Variants in ATG7 observed in about 807,000 individuals in gnomAD.
The protein encoded by ATG7 is autophagy related 7.
In ATG7, 70 loss-of-function variants were observed where a neutral mutation model predicts 82.4. The observed-to-expected ratio is 0.85, with a 90% CI of 0.70 to 1.04. The LOEUF (loss-of-function observed/expected upper bound fraction) is 1.04, where lower values mean the gene tolerates loss of function less well. Among genes scored for constraint, ATG7 ranks in the 50% least tolerant of loss-of-function variants. The pLI is 0.00. For missense variants in ATG7, 792 were observed against 864.3 expected (o/e 0.92, Z 1.05); for synonymous variants, 287 against 313.0 (o/e 0.92, Z 0.88).
intron 20 of ATG7, among the ~76,000 whole-genome samples, chr3:11,463,030 C>T (rs1404682170): frequency 1.3e-5 from 2 of 152,018 alleles, no homozygotes; most frequent in Non-Finnish European, 2.9e-5. Flanking sequence ...GGATGACAGG[C>T]ATGTGCAATC....
chr3:11,438,289 A>T (rs758085262), intron 20 of ATG7, among the ~76,000 whole-genome samples: 1 of 152,122 alleles, frequency 6.6e-6, no homozygotes, highest in South Asian at 2.1e-4. Context: ...AGGGTCCCCA[A>T]TGGTGGAGGC....
chr3:11,499,468 A>G (rs1177610477), intron 20 of ATG7, among the ~76,000 whole-genome samples: 2 of 152,056 alleles, frequency 1.3e-5, no homozygotes, highest in African/African-American at 4.8e-5. Flanking sequence ...AAATACGGCC[A>G]GGCGCAGTGG....
chr3:11,371,079 G>A (rs2076965009), intron 18 of ATG7, among the ~76,000 whole-genome samples: 2 of 151,100 alleles, frequency 1.3e-5, no homozygotes, highest in African/African-American at 4.9e-5. Flanking sequence ...GAGATGCAAT[G>A]TATGAAAACA....
intron 13 of ATG7, among the ~76,000 whole-genome samples, chr3:11,345,192 T>C (rs1575592594): frequency 6.6e-6 from 1 of 151,860 alleles, no homozygotes; most frequent in African/African-American, 2.4e-5. Context: ...GATCATGAGG[T>C]CAGGAGATCG....
intron 19 of ATG7, among the ~76,000 whole-genome samples, chr3:11,403,318 G>C (rs1364595343): frequency 1.3e-5 from 2 of 150,538 alleles, no homozygotes; most frequent in African/African-American, 4.9e-5. Context: ...GAATAATATA[G>C]ATGTTTCAAG....
At chr3:11,492,623 C>A (rs1455576914) in intron 20 of ATG7, among the ~76,000 whole-genome samples, 2 of 152,176 alleles carry the variant, frequency 1.3e-5, no homozygotes, top group Admixed American at 1.3e-4. Context: ...GCTGCTGCTT[C>A]GGGCACTGGC....
intron 9 of ATG7, among the ~76,000 whole-genome samples, chr3:11,323,479 G>A: frequency 6.6e-6 from 1 of 152,150 alleles, no homozygotes; most frequent in Non-Finnish European, 1.5e-5. Context: ...AATGAAATGT[G>A]GATTCCACAG....
chr3:11,575,140 G>A, the ATG7 span, among the ~76,000 whole-genome samples: 113 of 152,320 alleles, frequency 7.4e-4, no homozygotes, highest in African/African-American at 2.6e-3. Flanking sequence ...GTGGCTGGCA[G>A]GTGGCAGAGT....
At chr3:11,415,265 G>A (rs1467798970) in intron 19 of ATG7, among the ~76,000 whole-genome samples, 1 of 152,154 alleles carries the variant, frequency 6.6e-6, no homozygotes, top group Non-Finnish European at 1.5e-5. Flanking sequence ...AATGGAGTTT[G>A]TAGGGCTGGA....
downstream of ATG7, chr3:11,557,763 G>A (rs1362058281): frequency 1.3e-5 from 2 of 152,594 alleles, no homozygotes; most frequent in Non-Finnish European, 2.9e-5. Context: ...AAAGCACTAT[G>A]GAATCCTCCA....
chr3:11,490,868 T>A (rs1370602102), intron 20 of ATG7, among the ~76,000 whole-genome samples: 3 of 152,340 alleles, frequency 2.0e-5, no homozygotes, highest in East Asian at 1.9e-4. Flanking sequence ...CTTCCCTTTG[T>A]GGGTAACCTG....
chr3:11,481,560 A>C (rs2088978358), intron 20 of ATG7, among the ~76,000 whole-genome samples: 1 of 152,216 alleles, frequency 6.6e-6, no homozygotes, highest in Non-Finnish European at 1.5e-5. Flanking sequence ...GATCTTATCT[A>C]AGTTAACAAA....
chr3:11,575,224 G>A, the ATG7 span, among the ~76,000 whole-genome samples: 1 of 152,194 alleles, frequency 6.6e-6, no homozygotes, highest in Non-Finnish European at 1.5e-5. Flanking sequence ...TGTGGTGCGA[G>A]AGGGAAGGCG....
chr3:11,289,348 G>A (rs1247307833), intron 3 of ATG7, among the ~76,000 whole-genome samples: 6 of 152,058 alleles, frequency 3.9e-5, no homozygotes, highest in Admixed American at 3.3e-4. Context: ...CAGCTTAAGC[G>A]CTGTAGTGAT....
intron 19 of ATG7, among the ~76,000 whole-genome samples, chr3:11,397,725 G>A (rs2079436222): frequency 3.1e-5 from 1 of 32,026 alleles, no homozygotes; most frequent in South Asian, 1.9e-3. Flanking sequence ...CCAGAGTGCT[G>A]GGATTACAGG....
intron 14 of ATG7, among the ~76,000 whole-genome samples, chr3:11,357,613 A>G (rs2076013871): frequency 1.3e-5 from 2 of 152,228 alleles, no homozygotes; most frequent in African/African-American, 2.4e-5. Flanking sequence ...AATGTATTAA[A>G]TCAAATTATA....
chr3:11,569,780 C>G, the ATG7 span, among the ~76,000 whole-genome samples: 1 of 152,306 alleles, frequency 6.6e-6, no homozygotes, highest in South Asian at 2.1e-4. Context: ...TACTTGGAGG[C>G]TGAAGTGGGA....
intron 11 of ATG7, among the ~76,000 whole-genome samples, chr3:11,338,129 G>T (rs1952837246): frequency 6.6e-6 from 1 of 151,892 alleles, no homozygotes; most frequent in South Asian, 2.1e-4. Context: ...CCTCAAGTAG[G>T]CCCCAGTGTC....
In ATG7 at chr3:11,554,966, G is replaced by A; in HGVS notation, c.*123G>A. The A allele has an allele frequency of 1.6e-6, 2 of 1,279,530 alleles. No homozygotes were observed. Among genetic ancestry groups the A allele is most frequent in the Middle Eastern group, 3.9e-4 (2 of 5,072 alleles). The allele number at this position is 1,279,530 out of a possible 1,614,324, so 79.3% of individuals were successfully genotyped here. ...GCCCCTCCTCCATACCCCGAGGTCT[G>A]GGATTCCCCCCTCTGCTGCCCAGGA... On this transcript the variant is annotated 3_prime_UTR_variant, in exon 21 of 21. Transcript: ENST00000693202.
Sources: gnomAD v4.1 joint callset for allele counts (sites outside exome capture counted in the v4.1 genomes callset) on GRCh38, gnomAD v4.1.1 for gene constraint, MANE v1.5 for transcripts, NCBI Gene and HGNC (gene_info 2026-07-23, HGNC 2026-07-21) for gene names.